IL1RAPL1: variants seen among roughly 807,000 people sequenced by gnomAD.
IL1RAPL1 encodes the protein interleukin 1 receptor accessory protein like 1, also known as interleukin-1 receptor accessory protein-like 1.
Under a neutral mutation model 48.4 loss-of-function variants are expected in IL1RAPL1, and 3 were observed. That is an observed-to-expected ratio of 0.06 (90% CI 0.03 to 0.16). The LOEUF (loss-of-function observed/expected upper bound fraction) is 0.16, where lower values mean the gene tolerates loss of function less well. Ranked by LOEUF, IL1RAPL1 falls within the 10% of genes least tolerant of loss-of-function variation. The pLI is 1.00. For missense variants in IL1RAPL1, 349 were observed against 530.6 expected (o/e 0.66, Z 3.36); for synonymous variants, 185 against 187.7 (o/e 0.99, Z 0.12).
chrX:29,629,508 A>G (rs1924708623), intron 5 of IL1RAPL1, among the ~76,000 whole-genome samples: 1 of 111,958 alleles, frequency 8.9e-6, no homozygotes, highest in Admixed American at 9.5e-5. Flanking sequence ...CTTCATTGAT[A>G]TAGAAACAAG....
At chrX:28,944,019 T>C (rs932659061) in intron 2 of IL1RAPL1, among the ~76,000 whole-genome samples, 1 of 111,289 alleles carries the variant, frequency 9.0e-6, no homozygotes, top group East Asian at 2.8e-4. Context: ...AACTAACTCA[T>C]GTGGACGTAT....
chrX:29,088,942 C>T (rs1168196370), intron 2 of IL1RAPL1, among the ~76,000 whole-genome samples: 1 of 111,292 alleles, frequency 9.0e-6, no homozygotes, highest in Admixed American at 9.6e-5. Context: ...CAGACTTAAC[C>T]ATGTCATGCT....
intron 2 of IL1RAPL1, among the ~76,000 whole-genome samples, chrX:29,100,482 T>C (rs149645206): frequency 2.7e-5 from 3 of 111,669 alleles, no homozygotes; most frequent in Non-Finnish European, 3.8e-5. Flanking sequence ...GCTACTTTGA[T>C]TGGCTGAGAC....
In IL1RAPL1 at chrX:28,663,117, A is replaced by G. The variant is rs757688927; in HGVS notation, c.-25+75070A>G. 3.6e-5 allele frequency among the ~76,000 whole-genome samples: 4 copies of G among 112,224 alleles called. No homozygotes were observed. The East Asian group carries it at 1.1e-3, about 31-fold the overall frequency. On this transcript the variant is annotated intron_variant, in intron 1 of 10. Transcript: ENST00000378993. ...CCAAAGAAGAAGAAAGCAAATTCCA[A>G]TTGAAAGGGACCAAGCAGAGATGCT...
At chrX:29,560,540 G>A (rs2147792144) in intron 5 of IL1RAPL1, among the ~76,000 whole-genome samples, 1 of 111,561 alleles carries the variant, frequency 9.0e-6, no homozygotes, top group South Asian at 3.7e-4. Flanking sequence ...TCTAAATTCT[G>A]TAGGCCTTCT....
At chrX:29,143,636 A>G (rs762230848) in intron 2 of IL1RAPL1, among the ~76,000 whole-genome samples, 1 of 111,997 alleles carries the variant, frequency 8.9e-6, no homozygotes, top group Admixed American at 9.4e-5. Flanking sequence ...TATCAGATCA[A>G]CTGTCATGGT....
At chrX:29,550,946 T>G (rs1921796710) in intron 5 of IL1RAPL1, among the ~76,000 whole-genome samples, 1 of 112,269 alleles carries the variant, frequency 8.9e-6, no homozygotes. Flanking sequence ...ACTGAAACTC[T>G]GCACCCATTC....
intron 1 of IL1RAPL1, among the ~76,000 whole-genome samples, chrX:28,732,414 G>A (rs1179986721): frequency 2.7e-5 from 3 of 111,707 alleles, no homozygotes; most frequent in South Asian, 3.7e-4. Flanking sequence ...CTTCTTGTCC[G>A]TATATAAATA....
chrX:29,914,480 T>C (rs193111909), intron 6 of IL1RAPL1, among the ~76,000 whole-genome samples: 1 of 111,340 alleles, frequency 9.0e-6, no homozygotes, highest in African/African-American at 3.3e-5. Flanking sequence ...TGGAGATTTC[T>C]ATTTATGAGT....
intron 1 of IL1RAPL1, among the ~76,000 whole-genome samples, chrX:28,668,946 T>C (rs1328870564): frequency 8.9e-6 from 1 of 111,932 alleles, no homozygotes; most frequent in Non-Finnish European, 1.9e-5. Flanking sequence ...ATAAGGATAA[T>C]AATAATATTC....
chrX:28,826,115 T>C (rs1373993235), intron 2 of IL1RAPL1, among the ~76,000 whole-genome samples: 4 of 111,902 alleles, frequency 3.6e-5, no homozygotes, highest in Non-Finnish European at 7.6e-5. Flanking sequence ...AAATGTGCAG[T>C]GTTCAGAAAG....
intron 1 of IL1RAPL1, among the ~76,000 whole-genome samples, chrX:28,598,986 C>A (rs752257070): frequency 9.2e-6 from 1 of 108,572 alleles, no homozygotes; most frequent in Admixed American, 9.6e-5. Context: ...ATGCCTGTAA[C>A]CCCAGCACTT....
chrX:28,940,230 G>T (rs1479552228), intron 2 of IL1RAPL1, among the ~76,000 whole-genome samples: 1 of 110,854 alleles, frequency 9.0e-6, no homozygotes, highest in Non-Finnish European at 1.9e-5. Flanking sequence ...ATTTTATGTG[G>T]CTCTCAAGGT....
At chrX:29,157,874 A>G (rs1287934536) in intron 2 of IL1RAPL1, among the ~76,000 whole-genome samples, 1 of 111,933 alleles carries the variant, frequency 8.9e-6, no homozygotes, top group African/African-American at 3.2e-5. Flanking sequence ...ATTAAATCAC[A>G]TTAAAAAATT....
At chrX:29,809,010 A>G (rs1930316370) in intron 6 of IL1RAPL1, among the ~76,000 whole-genome samples, 1 of 108,651 alleles carries the variant, frequency 9.2e-6, no homozygotes, top group African/African-American at 3.4e-5. Flanking sequence ...TTGCTTTTCA[A>G]CTGGAACTTT....
rs865870183 is a variant in IL1RAPL1, at chrX:29,801,020, A to C, written c.779-116444A>C. Among the ~76,000 whole-genome samples the C allele has an allele frequency of 1.7e-3, 126 of 76,300 alleles. 4 individuals carry two copies. The highest frequency in any genetic ancestry group is 6.1e-3 in the African/African-American group (121 of 19,953). 66.3% of individuals were successfully genotyped at this position (76,300 alleles called of 115,157 possible). A position where few individuals can be genotyped will look rare whatever the true frequency, so the allele number is the denominator to read the frequency against. ...CGTCTCAAAAAAAAAAAAAAAAAAA[A>C]AAAAAAAAAAAAAACTCTCCGTCTC... On this transcript the variant is annotated intron_variant, in intron 6 of 10. Coordinates refer to ENST00000378993, the MANE Select transcript of IL1RAPL1 (RefSeq NM_014271.4).
At chrX:28,621,660 C>G (rs1268534731) in intron 1 of IL1RAPL1, among the ~76,000 whole-genome samples, 1 of 112,181 alleles carries the variant, frequency 8.9e-6, no homozygotes, top group African/African-American at 3.2e-5. Flanking sequence ...TTTACTGTTT[C>G]AATGTTAGCA....
intron 6 of IL1RAPL1, among the ~76,000 whole-genome samples, chrX:29,739,123 T>C (rs374647177): frequency 7.1e-5 from 8 of 112,155 alleles, no homozygotes; most frequent in African/African-American, 2.6e-4. Context: ...TCTGAGAGGT[T>C]AATTGATGTG....
Position 29,816,148 on chromosome X carries a change from C to T in IL1RAPL1, c.779-101316C>T, listed in dbSNP as rs143622815. ...ACAAAATGAAAGATGATTGTCTGAA[C>T]GGATAAACAAGATAAATAGACTACT... On this transcript the variant is annotated intron_variant, in intron 6 of 10. Coordinates refer to ENST00000378993, the MANE Select transcript of IL1RAPL1 (RefSeq NM_014271.4). Among the ~76,000 whole-genome samples, 172 of 110,597 alleles carry T rather than the reference C, an allele frequency of 1.6e-3. 1 individual carries two copies. The highest frequency in any genetic ancestry group is 4.9e-3 in the African/African-American group (149 of 30,544).
Sources: allele counts gnomAD v4.1 joint callset (sites outside exome capture counted in the v4.1 genomes callset), GRCh38; gene constraint gnomAD v4.1.1; transcripts MANE v1.5; gene names NCBI Gene and HGNC (gene_info 2026-07-23, HGNC 2026-07-21).